The following LGALS16 variants were observed in gnomAD, a reference collection of about 807,000 sequenced individuals.
LGALS16 encodes the protein galectin-16.
Under a neutral mutation model 13.2 loss-of-function variants are expected in LGALS16, and 15 were observed. The ratio of observed to expected loss-of-function variants is 1.13; its 90% CI spans 0.76 to 1.75. LGALS16 has a LOEUF of 1.75. LGALS16 is among the 40% of genes most tolerant of loss of function. LGALS16 has a pLI of 0.00. For synonymous variants in LGALS16, 66 were observed against 65.4 expected, an observed-to-expected ratio of 1.01 and a Z score of -0.05; for missense variants, 198 against 178.4, an observed-to-expected ratio of 1.11 and a Z score of -0.63.
intron 2 of LGALS16, among the ~76,000 whole-genome samples, 154 bp from the exon 3 acceptor site, chr19:39,658,306 C>T (rs778309461): frequency 2.0e-4 from 30 of 152,318 alleles, no homozygotes; most frequent in East Asian, 3.9e-4. Context: ...GCAGGGGGCA[C>T]GAGGAGCTGA....
chr19:39,658,073 C>A, intron 2 of LGALS16, 114 bp downstream of exon 2: 1 of 1,254,710 alleles, frequency 8.0e-7, no homozygotes, highest in Non-Finnish European at 1.1e-6. Flanking sequence ...ATGGAGGCCC[C>A]ATGCAGGTGC....
Position 39,658,644 on chromosome 19 carries a change from AT to A in LGALS16, c.278del (p.Ile93ThrfsTer10). On this transcript the variant is annotated frameshift_variant, in exon 3 of 4. Coordinates refer to ENST00000392051, the MANE Select transcript of LGALS16 (RefSeq NM_001190441.3). LOFTEE classifies it low-confidence loss of function (END_TRUNC). ...GGATGGCAAACCATTTGACTTGCGC[AT>A]CTACGTGTGTCACAATGAGTATGAG... The part of the protein sequence containing the change: ...FEDGKPFDLR[I>X]YVCHNEYEVK... The A allele has an allele frequency of 1.9e-6, 3 of 1,588,602 alleles. No individual in the cohort carries two copies. The highest frequency in any genetic ancestry group is 2.6e-6 in the Non-Finnish European group (3 of 1,171,026).
In LGALS16 at chr19:39,658,684, G is replaced by A; in HGVS notation, c.303+14G>A. 2 of 1,522,076 alleles carry A rather than the reference G, an allele frequency of 1.3e-6. No homozygotes were observed. The highest frequency in any genetic ancestry group is 1.8e-6 in the Non-Finnish European group (2 of 1,124,320). 94.3% of individuals were successfully genotyped at this position (1,522,076 alleles called of 1,614,324 possible). ...AATGAGTATGAGGTGAGCACCCCAG[G>A]AGCTCGCAGTACCCAGGCTCTTTGG... is the stretch of plus-strand genomic sequence containing the variant. On this transcript the variant is annotated intron_variant, in intron 3 of 3. Transcript: ENST00000392051.
Position 39,658,497 on chromosome 19 carries a change from A to C in LGALS16, c.130A>C (p.Met44Leu), listed in dbSNP as rs1162330707. The stretch of plus-strand genomic sequence containing the variant: ...GCTGCAGGTGGATTTCTACACTGAG[A>C]TGAATGAGGACTCAGAAATTGCCTT... ...PQLQVDFYTE[M>L]NEDSEIAFHL... Residue 44 changes from methionine to leucine, a missense_variant, in exon 3 of 4, where the codon ATG (methionine) becomes CTG (leucine). Transcript: ENST00000392051. 1 of 1,604,716 alleles carries C rather than the reference A, an allele frequency of 6.2e-7. No homozygotes were observed. The highest frequency in any genetic ancestry group is 1.3e-5 in the African/African-American group (1 of 74,828).
intron 3 of LGALS16, among the ~76,000 whole-genome samples, chr19:39,659,109 T>C (rs1405296550): frequency 2.0e-5 from 3 of 151,570 alleles, no homozygotes; most frequent in Non-Finnish European, 4.4e-5. Flanking sequence ...TTTCTTTTTT[T>C]TTTTTTTTGA....
chr19:39,658,700 G>T, intron 3 of LGALS16, 30 bp downstream of exon 3: 1 of 1,403,380 alleles, frequency 7.1e-7, no homozygotes, highest in Non-Finnish European at 9.8e-7. Context: ...GCAGTACCCA[G>T]GCTCTTTGGG....
intron 1 of LGALS16, among the ~76,000 whole-genome samples, chr19:39,656,177 C>A (rs1231979249): frequency 1.3e-5 from 2 of 152,092 alleles, no homozygotes; most frequent in East Asian, 3.8e-4. Context: ...ACAAATGTAA[C>A]CCTCTGTGAG....
intron 1 of LGALS16, among the ~76,000 whole-genome samples, chr19:39,657,154 C>A (rs2144863780): frequency 6.6e-6 from 1 of 152,182 alleles, no homozygotes; most frequent in Non-Finnish European, 1.5e-5. Context: ...CCCAGCTACA[C>A]AAGAGGGGGC....
chr19:39,657,449 A>G (rs73555858), intron 1 of LGALS16, among the ~76,000 whole-genome samples: 7,635 of 152,096 alleles, frequency 0.05, 616 homozygotes, highest in African/African-American at 0.17. Context: ...AATAAGGCAG[A>G]TCAGTGTTTC....
Position 39,660,312 on chromosome 19 carries a change from A to G in LGALS16, c.304-83A>G. The G allele has an allele frequency of 4.4e-6, 6 of 1,355,790 alleles. No homozygotes were observed. In the South Asian group the frequency reaches 6.6e-5, roughly 15 times the overall value. The allele number at this position is 1,355,790 out of a possible 1,614,324, so 84.0% of individuals were successfully genotyped here. The stretch of plus-strand genomic sequence containing the variant: ...ACTAGGAGTTTTCTTGGGGAATGTT[A>G]TTGGTACTAGGGCAGAGTAGAGAAG... On this transcript the variant is annotated intron_variant, in intron 3 of 3. Coordinates refer to ENST00000392051, the MANE Select transcript of LGALS16 (RefSeq NM_001190441.3).
intron 3 of LGALS16, among the ~76,000 whole-genome samples, chr19:39,659,876 T>A (rs1320732839): frequency 1.3e-5 from 2 of 152,196 alleles, no homozygotes; most frequent in Non-Finnish European, 2.9e-5. Context: ...GAAGATAATA[T>A]CCTATGTTAT....
intron 1 of LGALS16, among the ~76,000 whole-genome samples, chr19:39,656,897 G>A (rs1973200876): frequency 6.6e-6 from 1 of 151,820 alleles, no homozygotes; most frequent in Admixed American, 6.6e-5. Context: ...TCTCAACTGA[G>A]TCTAAACTTG....
At position 39,657,898 on chromosome 19, in the gene LGALS16, C is replaced by T. The variant is rs760520867; in HGVS notation, c.31C>T (p.Pro11Ser). Residue 11 changes from proline to serine, a missense_variant, in exon 2 of 4, where the codon CCT becomes TCT. Coordinates refer to ENST00000392051, the MANE Select transcript of LGALS16 (RefSeq NM_001190441.3). MSFLTVPYKL[P>S]VSLSVGSCVI... ...ACCCTGGCAGGTGCCATACAAACTGCCTGTGTCTTTGTCTGTTGGTTCCTG... is the reference window on the plus strand; with the variant it reads ...ACCCTGGCAGGTGCCATACAAACTGTCTGTGTCTTTGTCTGTTGGTTCCTG... The T allele has an allele frequency of 2.0e-5, 33 of 1,613,844 alleles. 1 individual carries two copies. The South Asian group carries it at 3.6e-4, about 18-fold the overall frequency.
chr19:39,657,629 G>A (rs1462099434), intron 1 of LGALS16, among the ~76,000 whole-genome samples: 2 of 152,100 alleles, frequency 1.3e-5, no homozygotes, highest in Admixed American at 6.5e-5. Flanking sequence ...TCAAGTAACC[G>A]ATCTAAGATT....
chr19:39,656,029 A>C, intron 1 of LGALS16, 53 bp downstream of exon 1: 1 of 1,578,860 alleles, frequency 6.3e-7, no homozygotes, highest in Non-Finnish European at 8.7e-7. Flanking sequence ...AAAACCAAGA[A>C]AGATGTGGGG....
intron 3 of LGALS16, among the ~76,000 whole-genome samples, 168 bp downstream of exon 3, chr19:39,658,838 C>G (rs1280158087): frequency 6.6e-6 from 1 of 152,166 alleles, no homozygotes; most frequent in Admixed American, 6.5e-5. Context: ...GTCCTCAGCT[C>G]TTTCCCAAAT....
In LGALS16 at chr19:39,660,481, C is replaced by T; in HGVS notation, c.390C>T (p.Val130=). The T allele has an allele frequency of 6.5e-7, 1 of 1,542,834 alleles. No homozygotes were observed. The highest frequency in any genetic ancestry group is 8.7e-7 in the Non-Finnish European group (1 of 1,148,770). Residue 130 remains valine (V), a synonymous_variant, in exon 4 of 4, where the codon GTC becomes GTT. Coordinates refer to ENST00000392051, the MANE Select transcript of LGALS16 (RefSeq NM_001190441.3). ...YVKMIQVWRD[V]SLDSVLVNNG... Reference sequence around the variant, plus strand: ...AGATGATTCAAGTGTGGAGAGATGTCTCCCTGGACTCAGTGCTTGTCAACA... The same window carrying T: ...AGATGATTCAAGTGTGGAGAGATGTTTCCCTGGACTCAGTGCTTGTCAACA...
intron 1 of LGALS16, 88 bp from the exon 2 acceptor site, chr19:39,657,795 T>C: frequency 6.8e-7 from 1 of 1,466,814 alleles, no homozygotes; most frequent in Non-Finnish European, 9.4e-7. Flanking sequence ...CCCTGTGATC[T>C]CTAACCTCCT....
At chr19:39,658,838 C>A (rs1280158087) in intron 3 of LGALS16, among the ~76,000 whole-genome samples, 168 bp downstream of exon 3, 1 of 152,166 alleles carries the variant, frequency 6.6e-6, no homozygotes, top group East Asian at 1.9e-4. Flanking sequence ...GTCCTCAGCT[C>A]TTTCCCAAAT....
Sources: gnomAD v4.1 joint callset for allele counts (sites outside exome capture counted in the v4.1 genomes callset) on GRCh38, gnomAD v4.1.1 for gene constraint, MANE v1.5 for transcripts, NCBI Gene and HGNC (gene_info 2026-07-23, HGNC 2026-07-21) for gene names.